Variants in FHIT observed in about 807,000 individuals in gnomAD.
FHIT encodes the protein bis(5'-adenosyl)-triphosphatase.
FHIT carries 19 observed loss-of-function variants against 17.9 expected under a neutral mutation model. The ratio of observed to expected loss-of-function variants is 1.06; its 90% confidence interval spans 0.74 to 1.56. The LOEUF is 1.56. FHIT is among the 40% of genes most tolerant of loss of function. FHIT has a pLI of 0.00. For synonymous variants in FHIT, 81 were observed against 69.7 expected, an observed-to-expected ratio of 1.16 and a Z score of -0.81; for missense variants, 248 against 189.2, an observed-to-expected ratio of 1.31 and a Z score of -1.82.
At chr3:61,148,292 A>G (rs1034276525) in intron 2 of FHIT, among the ~76,000 whole-genome samples, 1 of 152,126 alleles carries the variant, frequency 6.6e-6, no homozygotes, top group Non-Finnish European at 1.5e-5. Flanking sequence ...TTTCATATGT[A>G]TAAACCCAAG....
intron 4 of FHIT, among the ~76,000 whole-genome samples, chr3:60,726,076 A>G (rs1250199793): frequency 6.6e-6 from 1 of 152,206 alleles, no homozygotes; most frequent in African/African-American, 2.4e-5. Flanking sequence ...TATGCGAAAT[A>G]TACAAAAATA....
intron 2 of FHIT, among the ~76,000 whole-genome samples, chr3:61,139,579 C>CCTCAAGCAA (rs59911261): frequency 0.27 from 41,276 of 151,516 alleles, 5,922 homozygotes; most frequent in East Asian, 0.44. Flanking sequence ...TAGTTTTTTG[C>CCTCAAGCAA]TTGCCTCAAA....
intron 5 of FHIT, among the ~76,000 whole-genome samples, chr3:60,048,024 G>A (rs1701721060): frequency 6.6e-6 from 1 of 152,194 alleles, no homozygotes; most frequent in South Asian, 2.1e-4. Context: ...GGTTTCTCCT[G>A]AGGCCTCTCT....
At chr3:60,710,800 T>C (rs1480588970) in intron 4 of FHIT, among the ~76,000 whole-genome samples, 1 of 152,114 alleles carries the variant, frequency 6.6e-6, no homozygotes. Context: ...CCATCACAGA[T>C]CAAGGAGGCC....
chr3:61,203,803 C>T (rs955199254), intron 1 of FHIT, among the ~76,000 whole-genome samples: 5 of 152,224 alleles, frequency 3.3e-5, no homozygotes, highest in Non-Finnish European at 7.3e-5. Context: ...ACTAAAACTA[C>T]TGATTAACTT....
intron 4 of FHIT, among the ~76,000 whole-genome samples, chr3:60,653,129 A>G (rs1299787211): frequency 6.6e-6 from 1 of 152,188 alleles, no homozygotes; most frequent in East Asian, 1.9e-4. Flanking sequence ...TTAATATGAC[A>G]AGAAAGTCTA....
chr3:60,198,231 A>G (rs1702735508), intron 5 of FHIT, among the ~76,000 whole-genome samples: 1 of 152,134 alleles, frequency 6.6e-6, no homozygotes, highest in Admixed American at 6.6e-5. Flanking sequence ...TAGGTATGGC[A>G]CTAACTTTCA....
chr3:60,897,352 G>T (rs9853572), intron 3 of FHIT, among the ~76,000 whole-genome samples: 1 of 152,040 alleles, frequency 6.6e-6, no homozygotes, highest in Non-Finnish European at 1.5e-5. Flanking sequence ...TCTCCTCAAC[G>T]TGTAGTAACT....
At chr3:60,549,717 T>G (rs915245590) in intron 4 of FHIT, among the ~76,000 whole-genome samples, 3 of 152,142 alleles carry the variant, frequency 2.0e-5, no homozygotes, top group African/African-American at 7.2e-5. Context: ...ATGTCCTAGA[T>G]AAAACAATCT....
intron 5 of FHIT, among the ~76,000 whole-genome samples, chr3:60,390,407 A>C (rs1160155360): frequency 2.0e-4 from 22 of 108,136 alleles, no homozygotes; most frequent in East Asian, 6.2e-4. Context: ...AAAAAAAAAA[A>C]AAAAAAAAAA....
chr3:60,022,607 G>A (rs1184454316), intron 5 of FHIT, among the ~76,000 whole-genome samples: 3 of 152,206 alleles, frequency 2.0e-5, no homozygotes, highest in Non-Finnish European at 4.4e-5. Context: ...ACTAGGGCAA[G>A]TTTGTTCTTA....
At chr3:60,347,946 A>G (rs1710879972) in intron 5 of FHIT, among the ~76,000 whole-genome samples, 1 of 152,110 alleles carries the variant, frequency 6.6e-6, no homozygotes, top group Admixed American at 6.5e-5. Context: ...TTTACTAAAG[A>G]CGAGGTTTCA....
chr3:60,035,884 C>G (rs1347601102), intron 5 of FHIT, among the ~76,000 whole-genome samples: 1 of 152,218 alleles, frequency 6.6e-6, no homozygotes, highest in Non-Finnish European at 1.5e-5. Context: ...TGATAACAAG[C>G]AGTCCCAGCA....
chr3:60,195,831 T>A (rs971513818), intron 5 of FHIT, among the ~76,000 whole-genome samples: 2 of 129,282 alleles, frequency 1.5e-5, no homozygotes, highest in Non-Finnish European at 3.1e-5. Context: ...GCTATGGATA[T>A]GCAAAGGCAT....
chr3:59,838,046 G>A (rs1701400537), intron 8 of FHIT, among the ~76,000 whole-genome samples: 1 of 152,022 alleles, frequency 6.6e-6, no homozygotes, highest in African/African-American at 2.4e-5. Context: ...TCAGATTCCA[G>A]AAGTCATTTT....
intron 5 of FHIT, among the ~76,000 whole-genome samples, chr3:60,220,886 C>A (rs1703930103): frequency 6.6e-6 from 1 of 152,120 alleles, no homozygotes; most frequent in Non-Finnish European, 1.5e-5. Flanking sequence ...TGCATCCAAG[C>A]CTTTCTGCAT....
In FHIT at chr3:60,497,454, A is replaced by G. The variant is rs1463599611; in HGVS notation, c.103+39406T>C. On this transcript the variant is annotated intron_variant, in intron 5 of 9. Transcript: ENST00000492590. ...AATATAAAAATCATTCTGCAAACAAACACAGTTAATTTCTAAATTTGATGA... is the reference window on the plus strand; with the variant it reads ...AATATAAAAATCATTCTGCAAACAAGCACAGTTAATTTCTAAATTTGATGA... Among the ~76,000 whole-genome samples, 3 of 152,224 alleles carry G rather than the reference A, an allele frequency of 2.0e-5. No homozygotes were observed. The South Asian group carries it at 6.2e-4, about 32-fold the overall frequency.
rs35996920 is a variant in FHIT at position 60,835,255 on chromosome 3, G to GAA, written c.-110-13246_-110-13245dup. Among the ~76,000 whole-genome samples, 33 of 152,156 alleles carry GAA rather than the reference G, an allele frequency of 2.2e-4. No homozygotes were observed. The South Asian group carries it at 4.4e-3, about 20-fold the overall frequency. ...TTTTAGAATAATGTCATCTATATAT[G>GAA]AAAAAATCATACTGAGATTTTTGAT... On this transcript the variant is annotated intron_variant, in intron 3 of 9. Coordinates refer to ENST00000492590, the MANE Select transcript of FHIT (RefSeq NM_002012.4).
At chr3:60,579,395 G>T (rs1183746664) in intron 4 of FHIT, among the ~76,000 whole-genome samples, 3 of 152,114 alleles carry the variant, frequency 2.0e-5, no homozygotes, top group African/African-American at 7.2e-5. Context: ...AACCTCAGTT[G>T]TATGTGTACT....
Sources: allele counts gnomAD v4.1 joint callset (sites outside exome capture counted in the v4.1 genomes callset), GRCh38; gene constraint gnomAD v4.1.1; transcripts MANE v1.5; gene names NCBI Gene and HGNC (gene_info 2026-07-23, HGNC 2026-07-21).